Variants in TAOK1 observed in about 807,000 individuals in gnomAD.
The protein encoded by TAOK1 is TAO kinase 1, also known as serine/threonine-protein kinase TAO1.
A neutral mutation model predicts 138.3 loss-of-function variants in TAOK1; 21 were observed. The observed-to-expected ratio is 0.15, with a 90% CI of 0.11 to 0.22. The LOEUF (loss-of-function observed/expected upper bound fraction) is 0.22, where lower values mean the gene tolerates loss of function less well. Ranked by LOEUF, TAOK1 falls within the 10% of genes least tolerant of loss-of-function variation. The pLI, the probability that TAOK1 is intolerant of heterozygous loss-of-function variation, is 1.00. For missense variants in TAOK1, 651 were observed against 1,227.7 expected (o/e 0.53, Z 7.02); for synonymous variants, 361 against 398.4 (o/e 0.91, Z 1.12).
At chr17:29,486,809 A>G (rs1181724152) in intron 8 of TAOK1, among the ~76,000 whole-genome samples, 1 of 152,194 alleles carries the variant, frequency 6.6e-6, no homozygotes, top group Admixed American at 6.5e-5. Flanking sequence ...TTGACGGTAT[A>G]CCATTTAAAA....
At chr17:29,488,576 A>AAAAAATAAT (rs1555564492) in intron 8 of TAOK1, among the ~76,000 whole-genome samples, 40 of 145,474 alleles carry the variant, frequency 2.7e-4, no homozygotes, top group African/African-American at 7.0e-4. Context: ...ACATCTCAAA[A>AAAAAATAAT]AATAATAATA....
chr17:29,481,052 C>T (rs1002995247), intron 7 of TAOK1, among the ~76,000 whole-genome samples: 1 of 151,890 alleles, frequency 6.6e-6, no homozygotes, highest in Non-Finnish European at 1.5e-5. Flanking sequence ...GAAAGAAAGA[C>T]ACAAACAAAC....
intron 1 of TAOK1, among the ~76,000 whole-genome samples, chr17:29,434,436 CTCCCTGGT>C (rs1308393929): frequency 1.3e-5 from 2 of 152,060 alleles, no homozygotes; most frequent in African/African-American, 2.4e-5. Context: ...GGAAGCAGGC[CTCCCTGGT>C]TCCCTTATTT....
At chr17:29,531,764 GAA>G (rs1346796544) in intron 18 of TAOK1, among the ~76,000 whole-genome samples, 1 of 129,774 alleles carries the variant, frequency 7.7e-6, no homozygotes, top group Admixed American at 8.0e-5. Flanking sequence ...CTCCGTCTCA[GAA>G]AAAAAAAAAC....
Position 29,545,545 on chromosome 17 carries a change from C to T in TAOK1, c.*2523C>T, listed in dbSNP as rs1420070422. On this transcript the variant is annotated 3_prime_UTR_variant, in exon 20 of 20. Coordinates refer to ENST00000261716, the MANE Select transcript of TAOK1 (RefSeq NM_020791.4). ...GTTTTGTATCTAATGTATTTGGCCA[C>T]CAGTTTTACATGTAGGTCATGACTA... The T allele has an allele frequency of 6.6e-6, 1 of 152,068 alleles. No individual in the cohort carries two copies. The highest frequency in any genetic ancestry group is 1.5e-5 in the Non-Finnish European group (1 of 68,002). The allele number at this position is 152,068 out of a possible 1,614,324, so 9.4% of individuals were successfully genotyped here. A position where few individuals can be genotyped will look rare whatever the true frequency, so the allele number is the denominator to read the frequency against.
chr17:29,525,861 G>T (rs867700238), intron 17 of TAOK1, among the ~76,000 whole-genome samples: 23 of 152,304 alleles, frequency 1.5e-4, no homozygotes, highest in Middle Eastern at 6.8e-3. Flanking sequence ...CCCAGGCATG[G>T]TGGCACGTGC....
chr17:29,411,124 C>T (rs1905133511), intron 1 of TAOK1, among the ~76,000 whole-genome samples: 1 of 127,596 alleles, frequency 7.8e-6, no homozygotes, highest in Non-Finnish European at 1.6e-5. Context: ...CGGAGTCTCG[C>T]TCTGTCGCCC....
At chr17:29,484,511 A>G (rs2031127383) in intron 8 of TAOK1, among the ~76,000 whole-genome samples, 1 of 152,132 alleles carries the variant, frequency 6.6e-6, no homozygotes, top group Admixed American at 6.5e-5. Context: ...ATTTAAATAC[A>G]TTTGCATTTA....
intron 7 of TAOK1, among the ~76,000 whole-genome samples, chr17:29,481,979 A>G (rs553911959): frequency 5.9e-5 from 9 of 152,190 alleles, no homozygotes; most frequent in African/African-American, 1.7e-4. Context: ...AATAAATACA[A>G]TAAATAAATA....
intron 1 of TAOK1, among the ~76,000 whole-genome samples, chr17:29,448,804 A>G (rs574706646): frequency 6.7e-6 from 1 of 149,242 alleles, no homozygotes; most frequent in African/African-American, 2.4e-5. Context: ...TTATATAATA[A>G]CTGTAGATGG....
Position 29,530,554 on chromosome 17 carries a change from C to T in TAOK1, c.2296C>T (p.Arg766Trp), listed in dbSNP as rs772496224. The change falls in exon 18 of 20, where the codon CGG becomes TGG. Residue 766 changes from arginine (R) to tryptophan (W), a missense_variant. By Grantham distance (101) the Arg-to-Trp change is moderately radical. This residue lies in a region of TAOK1 where 258 missense variants were observed against 548.9 expected (regional missense o/e 0.47). Coordinates refer to ENST00000261716, the MANE Select transcript of TAOK1 (RefSeq NM_020791.4). Reference protein sequence around the residue: ...VLKRLKEEQTRKLAILAEQYD... With the variant: ...VLKRLKEEQTWKLAILAEQYD... Reference sequence around the variant, plus strand: ...GAAACGGCTCAAGGAGGAACAGACCCGGAAATTAGCTATCTTGGCTGAGCA... The same window carrying T: ...GAAACGGCTCAAGGAGGAACAGACCTGGAAATTAGCTATCTTGGCTGAGCA... The T allele has an allele frequency of 5.0e-6, 8 of 1,613,946 alleles. No homozygotes were observed. Among genetic ancestry groups the T allele is most frequent in the African/African-American group, 2.7e-5 (2 of 74,888 alleles).
intron 1 of TAOK1, among the ~76,000 whole-genome samples, chr17:29,392,618 A>AT (rs1382558537): frequency 1.3e-5 from 2 of 152,210 alleles, no homozygotes; most frequent in East Asian, 1.9e-4. Flanking sequence ...CTGATGATAC[A>AT]TTTTTTTCAA....
At chr17:29,523,018 T>C (rs1422170929) in intron 17 of TAOK1, among the ~76,000 whole-genome samples, 1 of 144,828 alleles carries the variant, frequency 6.9e-6, no homozygotes, top group Non-Finnish European at 1.5e-5. Context: ...GAGGTTGCAG[T>C]GAGTCAAGAA....
intron 9 of TAOK1, among the ~76,000 whole-genome samples, chr17:29,490,526 A>G (rs751562340): frequency 4.6e-5 from 7 of 152,226 alleles, no homozygotes; most frequent in Non-Finnish European, 7.3e-5. Flanking sequence ...TGGCACATTC[A>G]TATAAGTCTT....
intron 1 of TAOK1, among the ~76,000 whole-genome samples, chr17:29,393,029 A>T (rs1904479257): frequency 6.6e-6 from 1 of 151,864 alleles, no homozygotes; most frequent in Non-Finnish European, 1.5e-5. Flanking sequence ...TCTTTTCTTT[A>T]TTCCCTTTTA....
chr17:29,478,410 A>G, intron 6 of TAOK1, 63 bp downstream of exon 6: 3 of 1,162,772 alleles, frequency 2.6e-6, no homozygotes, highest in Admixed American at 2.6e-5. Flanking sequence ...CAACTTTAGA[A>G]TTTATTAACT....
intron 5 of TAOK1, among the ~76,000 whole-genome samples, 194 bp from the exon 6 acceptor site, chr17:29,478,057 A>G (rs2030984294): frequency 6.6e-6 from 1 of 152,188 alleles, no homozygotes; most frequent in African/African-American, 2.4e-5. Flanking sequence ...AGCTAAGAGA[A>G]GAATTGGCTA....
At chr17:29,439,199 C>CT (rs34102989) in intron 1 of TAOK1, among the ~76,000 whole-genome samples, 171 of 130,780 alleles carry the variant, frequency 1.3e-3, no homozygotes, top group Admixed American at 3.9e-3. Context: ...TAATTTCTTT[C>CT]TTTTTTTTTT....
chr17:29,524,186 G>A (rs2031966780), intron 17 of TAOK1, among the ~76,000 whole-genome samples: 1 of 152,116 alleles, frequency 6.6e-6, no homozygotes, highest in Non-Finnish European at 1.5e-5. Flanking sequence ...AGAAAAATTA[G>A]AATTATAATG....
Sources: allele counts gnomAD v4.1 joint callset (sites outside exome capture counted in the v4.1 genomes callset), GRCh38; gene constraint gnomAD v4.1.1; regional missense constraint gnomAD v4.1.1; transcripts MANE v1.5; gene names NCBI Gene and HGNC (gene_info 2026-07-23, HGNC 2026-07-21).